Variants in PDZD7 observed in about 807,000 individuals in gnomAD.
The protein encoded by PDZD7 is PDZ domain containing 7, also known as PDZ domain-containing protein 7.
PDZD7 carries 72 observed loss-of-function variants against 84.7 expected under a neutral mutation model. That is an observed-to-expected ratio of 0.85 (90% CI 0.70 to 1.03). The LOEUF is 1.03. Ranked by LOEUF, PDZD7 falls within the 50% of genes least tolerant of loss-of-function variation. The pLI is 0.00. For missense variants in PDZD7, 1,490 were observed against 1,412.9 expected, an observed-to-expected ratio of 1.05 and a Z score of -0.87; for synonymous variants, 594 against 580.7, an observed-to-expected ratio of 1.02 and a Z score of -0.33.
intron 16 of PDZD7, 85 bp from the exon 17 acceptor site, chr10:101,008,935 T>G (rs1004066011): frequency 7.1e-7 from 1 of 1,414,812 alleles, no homozygotes; most frequent in Non-Finnish European, 9.3e-7. Context: ...TCTTCTCACC[T>G]CCACCCATGA....
chr10:101,028,627 A>G (rs1274718098), intron 2 of PDZD7, among the ~76,000 whole-genome samples: 1 of 152,054 alleles, frequency 6.6e-6, no homozygotes, highest in African/African-American at 2.4e-5. Flanking sequence ...AGACGTTATA[A>G]ACAGCGCTTG....
At position 101,018,857 on chromosome 10, in the gene PDZD7, G is replaced by C; in HGVS notation, c.1289C>G (p.Pro430Arg). 1 of 1,603,434 alleles carries C rather than the reference G, an allele frequency of 6.2e-7. No individual in the cohort carries two copies. The highest frequency in any genetic ancestry group is 1.1e-5 in the South Asian group (1 of 89,190). ...CAGATAGCTCTGGGAGCGCGTGATG[G>C]GGGGCCGGGGTCGGCTGAGGGCCAG... is the stretch of plus-strand genomic sequence containing the variant. ...LLLALSRPRP[P>R]ITRSQSYLTL... Residue 430 changes from proline (P) to arginine (R), a missense_variant, in exon 8 of 17, where the codon CCC becomes CGC. Transcript: ENST00000619208.
intron 2 of PDZD7, among the ~76,000 whole-genome samples, chr10:101,025,418 C>T (rs1937628907): frequency 1.3e-5 from 2 of 151,834 alleles, no homozygotes; most frequent in African/African-American, 2.4e-5. Context: ...CCATATTGGC[C>T]AGGCTGGTCT....
In PDZD7 at chr10:101,007,990, C is replaced by T. The variant is rs1003303340; in HGVS notation, c.*477G>A. On this transcript the variant is annotated 3_prime_UTR_variant, in exon 17 of 17. Coordinates refer to ENST00000619208, the MANE Select transcript of PDZD7 (RefSeq NM_001195263.2). ...GTAGAATGTCTGAGGTCTTAGTGGA[C>T]CCCAACGTGAAATGATCTCTCAGGA... is the stretch of plus-strand genomic sequence containing the variant. 13 of 153,376 alleles carry T rather than the reference C, an allele frequency of 8.5e-5. No homozygotes were observed. The highest frequency in any genetic ancestry group is 7.0e-5 in the Non-Finnish European group (5 of 71,468). The allele number at this position is 153,376 out of a possible 1,614,324, so 9.5% of individuals were successfully genotyped here.
chr10:101,029,946 T>G, intron 2 of PDZD7, 48 bp downstream of exon 2: 4 of 1,355,684 alleles, frequency 3.0e-6, no homozygotes, highest in Non-Finnish European at 2.1e-6. Flanking sequence ...CATTGTCCCC[T>G]ACCCCCACCC....
intron 2 of PDZD7, among the ~76,000 whole-genome samples, chr10:101,026,548 A>G (rs1456523145): frequency 1.3e-5 from 2 of 151,634 alleles, no homozygotes; most frequent in African/African-American, 4.9e-5. Flanking sequence ...GCCCTTGAGG[A>G]GGCCTTCCAG....
intron 1 of PDZD7, 29 bp from the exon 2 acceptor site, chr10:101,030,413 G>C: frequency 1.5e-6 from 1 of 686,594 alleles, no homozygotes; most frequent in Non-Finnish European, 2.7e-6. Context: ...GATGAGGGAG[G>C]GGTGTAAATG....
intron 9 of PDZD7, 182 bp downstream of exon 9, chr10:101,017,917 G>GAAAGAAAGAAAGA (rs1852790942): frequency 1.9e-6 from 1 of 532,934 alleles, no homozygotes; most frequent in African/African-American, 2.1e-5. Flanking sequence ...AGAAAGAAAA[G>GAAAGAAAGAAAGA]AAAGAAAGAA....
At chr10:101,023,774 C>A in intron 3 of PDZD7, 154 bp downstream of exon 3, 1 of 1,453,018 alleles carries the variant, frequency 6.9e-7, no homozygotes, top group South Asian at 1.2e-5. Context: ...TCCCTTAAAC[C>A]ATTCTGACTT....
Position 101,010,531 on chromosome 10 carries a change from C to CCGGCTGCTGCGG in PDZD7, c.2346_2357dup (p.Arg783_Arg786dup), listed in dbSNP as rs763555201. 2.9e-5 allele frequency: 43 copies of CCGGCTGCTGCGG among 1,479,482 alleles called. No homozygotes were observed. The highest frequency in any genetic ancestry group is 6.5e-5 in the Admixed American group (3 of 45,882). 91.6% of individuals were successfully genotyped at this position (1,479,482 alleles called of 1,614,324 possible). On this transcript the variant is annotated inframe_insertion, in exon 15 of 17. Coordinates refer to ENST00000619208, the MANE Select transcript of PDZD7 (RefSeq NM_001195263.2). ...GTCTACCTGGAGACTTGCCTTGACC[C>CCGGCTGCTGCGG]CGGCTGCTGCGGCTGCGGCTGCGGC... is the stretch of plus-strand genomic sequence containing the variant.
chr10:101,030,308 G>A lies in PDZD7; in HGVS notation c.-89C>T. On this transcript the variant is annotated 5_prime_UTR_variant, in exon 2 of 17. Transcript: ENST00000619208. ...GCCCTGCGTGCTTCGAGCTCCATGAGCCTCTGTGCGGGGCTGGGGTCTCAG... is the reference window on the plus strand; with the variant it reads ...GCCCTGCGTGCTTCGAGCTCCATGAACCTCTGTGCGGGGCTGGGGTCTCAG... 1 of 1,151,536 alleles carries A rather than the reference G, an allele frequency of 8.7e-7. No homozygotes were observed. Among genetic ancestry groups the A allele is most frequent in the East Asian group, 2.5e-5 (1 of 39,274 alleles). The allele number at this position is 1,151,536 out of a possible 1,614,324, so 71.3% of individuals were successfully genotyped here. A position where few individuals can be genotyped will look rare whatever the true frequency, so the allele number is the denominator to read the frequency against.
Position 101,024,067 on chromosome 10 carries a change from G to A in PDZD7, c.228C>T (p.Ala76=). The A allele has an allele frequency of 1.2e-6, 2 of 1,614,240 alleles. No individual in the cohort carries two copies. The highest frequency in any genetic ancestry group is 1.7e-6 in the Non-Finnish European group (2 of 1,180,046). The change falls in exon 3 of 17, where the codon GCC becomes GCT. Residue 76 remains alanine, a splice_region_variant and synonymous_variant. Coordinates refer to ENST00000619208, the MANE Select transcript of PDZD7 (RefSeq NM_001195263.2). ...RVILINSPIE[A]NSDESDIIHS... ...GGATGATGTCACTTTCATCACTGTTGGCTGTGAGGACAGGGATTTAGGGAT... is the reference window on the plus strand; with the variant it reads ...GGATGATGTCACTTTCATCACTGTTAGCTGTGAGGACAGGGATTTAGGGAT...
At position 101,008,696 on chromosome 10, in the gene PDZD7, G is replaced by A. The variant is rs1441063818; in HGVS notation, c.2873C>T (p.Pro958Leu). 2.1e-5 allele frequency: 32 copies of A among 1,535,900 alleles called. No homozygotes were observed. Among genetic ancestry groups the A allele is most frequent in the South Asian group, 1.2e-5 (1 of 84,058 alleles). Residue 958 changes from proline (P) to leucine (L), a missense_variant, in exon 17 of 17, where the codon CCC becomes CTC. Transcript: ENST00000619208. ...ATCAGTAAGGGCTGATGAGTCAGAG[G>A]GTGAGGGCCGTGGGCTGGGCCCGGG... ...RVPGPSPRPS[P>L]SDSSALTDGG...
Position 101,018,274 on chromosome 10 carries a change from C to T in PDZD7, c.1347G>A (p.Lys449=), listed in dbSNP as rs1590058486. The T allele has an allele frequency of 1.2e-6, 2 of 1,613,392 alleles. No homozygotes were observed. Among genetic ancestry groups the T allele is most frequent in the East Asian group, 4.5e-5 (2 of 44,650 alleles). Residue 449 remains lysine (K), a synonymous_variant, in exon 9 of 17, where the codon AAG becomes AAA. Coordinates refer to ENST00000619208, the MANE Select transcript of PDZD7 (RefSeq NM_001195263.2). ...TLWEEKQQRK[K]EKSGSPGEKG... is the part of the protein sequence containing the mutation. The stretch of plus-strand genomic sequence containing the variant: ...TCTCCCCAGGGGACCCCGACTTCTC[C>T]TTCTTCCGCTGCTGCTTCTCCTCTG...
At position 101,022,823 on chromosome 10, in the gene PDZD7, A is replaced by C. The variant is rs566058031; in HGVS notation, c.543-438T>G. Among the ~76,000 whole-genome samples, 102 of 151,864 alleles carry C rather than the reference A, an allele frequency of 6.7e-4. 3 individuals are homozygous for C. Among genetic ancestry groups the C allele is most frequent in the African/African-American group, 2.3e-3 (97 of 41,394 alleles). On this transcript the variant is annotated intron_variant, in intron 4 of 16. Coordinates refer to ENST00000619208, the MANE Select transcript of PDZD7 (RefSeq NM_001195263.2). Reference sequence around the variant, plus strand: ...GTTTCACTCCTGCTGCCCAGGCTAGAGTGCAATGGTATGATCTCGGCTCAC... The same window carrying C: ...GTTTCACTCCTGCTGCCCAGGCTAGCGTGCAATGGTATGATCTCGGCTCAC...
intron 16 of PDZD7, 39 bp downstream of exon 16, chr10:101,009,211 T>C: frequency 6.7e-7 from 1 of 1,488,716 alleles, no homozygotes; most frequent in Non-Finnish European, 9.1e-7. Context: ...TGGTTTCAGC[T>C]GTGCTCTGAG....
chr10:101,008,669 C>T lies in PDZD7; in HGVS notation c.2900G>A (p.Gly967Glu). The change falls in exon 17 of 17, where the codon GGG becomes GAG. Residue 967 changes from glycine to glutamate, a missense_variant. Gly to Glu is a moderately conservative substitution (Grantham distance 98, BLOSUM62 -2). Coordinates refer to ENST00000619208, the MANE Select transcript of PDZD7 (RefSeq NM_001195263.2). Reference sequence around the variant, plus strand: ...AGGCAAGTGGTCAGCAGGAAGGCCCCCATCAGTAAGGGCTGATGAGTCAGA... The same window carrying T: ...AGGCAAGTGGTCAGCAGGAAGGCCCTCATCAGTAAGGGCTGATGAGTCAGA... Reference protein sequence around the residue: ...SPSDSSALTDGGLPADHLPAH... With the variant: ...SPSDSSALTDEGLPADHLPAH... 6.5e-7 allele frequency: 1 copy of T among 1,535,952 alleles called. No homozygotes were observed. Among genetic ancestry groups the T allele is most frequent in the Admixed American group, 2.0e-5 (1 of 50,978 alleles).
At chr10:101,014,708 C>A (rs953471716) in intron 11 of PDZD7, among the ~76,000 whole-genome samples, 5 of 147,896 alleles carry the variant, frequency 3.4e-5, no homozygotes. Context: ...TAGCCAGACA[C>A]GTGCTTGCTC....
In PDZD7 at chr10:101,018,066, T is replaced by C. The variant is rs778949683; in HGVS notation, c.1522+33A>G. The C allele has an allele frequency of 3.7e-6, 6 of 1,613,872 alleles. No individual in the cohort carries two copies. In the African/African-American group the frequency reaches 8.0e-5, roughly 22 times the overall value. ...GAATGCCGAAGCTAGTGGACTTCAC[T>C]TTGCCTTCCTGTTTGATCAGCCCAC... On this transcript the variant is annotated intron_variant, in intron 9 of 16. Coordinates refer to ENST00000619208, the MANE Select transcript of PDZD7 (RefSeq NM_001195263.2).
Sources: gnomAD v4.1 joint callset for allele counts (sites outside exome capture counted in the v4.1 genomes callset) on GRCh38, gnomAD v4.1.1 for gene constraint, MANE v1.5 for transcripts, NCBI Gene and HGNC (gene_info 2026-07-23, HGNC 2026-07-21) for gene names.